The following SCFD2 variants were observed in gnomAD, a reference collection of about 807,000 sequenced individuals.
SCFD2 encodes sec1 family domain-containing protein 2.
Under a neutral mutation model 58.9 loss-of-function variants are expected in SCFD2, and 54 were observed. The observed-to-expected ratio is 0.92, with a 90% CI of 0.74 to 1.15. SCFD2 has a LOEUF of 1.15. Among genes scored for constraint, SCFD2 ranks in the 50% most tolerant of loss-of-function variants. The probability of loss-of-function intolerance (pLI) is 0.00; values close to 1 mark genes in which losing one functional copy is unlikely to be tolerated. For missense variants in SCFD2, 805 were observed against 836.6 expected (o/e 0.96, Z 0.47); for synonymous variants, 321 against 335.9 (o/e 0.96, Z 0.49).
chr4:52,956,206 T>A (rs1471160461), intron 5 of SCFD2: 1 of 456,684 alleles, frequency 2.2e-6, no homozygotes, highest in South Asian at 1.5e-5. Flanking sequence ...GCAGCAGCCA[T>A]CTCCCCTACA....
intron 4 of SCFD2, among the ~76,000 whole-genome samples, chr4:53,229,124 T>C (rs944046313): frequency 7.2e-5 from 11 of 152,060 alleles, no homozygotes; most frequent in Admixed American, 1.3e-4. Flanking sequence ...TAAAAGAGGA[T>C]ACAAACAAAT....
intron 2 of SCFD2, among the ~76,000 whole-genome samples, chr4:53,321,445 T>C (rs1577965385): frequency 6.6e-6 from 1 of 152,128 alleles, no homozygotes; most frequent in East Asian, 1.9e-4. Flanking sequence ...GAGGGTGAAA[T>C]GTGAACGCGT....
chr4:53,189,745 G>A (rs928006507), intron 4 of SCFD2, among the ~76,000 whole-genome samples: 1 of 152,048 alleles, frequency 6.6e-6, no homozygotes, highest in African/African-American at 2.4e-5. Context: ...TACCTAAATT[G>A]CTTTTAGACA....
intron 3 of SCFD2, among the ~76,000 whole-genome samples, chr4:53,300,579 C>G (rs62324293): frequency 0.096 from 14,575 of 152,152 alleles, 1,045 homozygotes; most frequent in African/African-American, 0.19. Context: ...GAATTGAACG[C>G]AGCTCTGCAC....
chr4:53,130,617 C>A (rs1049668690), intron 5 of SCFD2, among the ~76,000 whole-genome samples: 1 of 152,150 alleles, frequency 6.6e-6, no homozygotes, highest in African/African-American at 2.4e-5. Flanking sequence ...TATGGCCACA[C>A]GACTTTGGTT....
At chr4:52,893,081 T>C (rs906790438) in intron 7 of SCFD2, among the ~76,000 whole-genome samples, 1 of 152,214 alleles carries the variant, frequency 6.6e-6, no homozygotes, top group African/African-American at 2.4e-5. Flanking sequence ...CCAGGACTTG[T>C]ACTCATTTAA....
chr4:53,024,614 A>C (rs1722426360), intron 5 of SCFD2, among the ~76,000 whole-genome samples: 1 of 152,116 alleles, frequency 6.6e-6, no homozygotes, highest in Non-Finnish European at 1.5e-5. Flanking sequence ...TTCTGCCAAA[A>C]TTCTAAAAAA....
chr4:53,331,687 C>T (rs1733477163), intron 2 of SCFD2, among the ~76,000 whole-genome samples: 1 of 152,090 alleles, frequency 6.6e-6, no homozygotes, highest in Non-Finnish European at 1.5e-5. Flanking sequence ...ATTAAAAGAA[C>T]TAGAGAAGCA....
At chr4:53,043,242 G>C (rs1238244984) in intron 5 of SCFD2, among the ~76,000 whole-genome samples, 3 of 152,162 alleles carry the variant, frequency 2.0e-5, no homozygotes, top group Non-Finnish European at 4.4e-5. Context: ...TGGGGAATCT[G>C]ATGAAGCCCA....
chr4:52,893,875 A>G (rs1340018807), intron 7 of SCFD2, among the ~76,000 whole-genome samples: 1 of 152,182 alleles, frequency 6.6e-6, no homozygotes, highest in Admixed American at 6.5e-5. Flanking sequence ...CTTAGTCTCA[A>G]TCCTTACTGA....
At chr4:53,130,416 C>A (rs1248908635) in intron 5 of SCFD2, among the ~76,000 whole-genome samples, 2 of 152,136 alleles carry the variant, frequency 1.3e-5, no homozygotes, top group Non-Finnish European at 2.9e-5. Context: ...GAGATATAAA[C>A]CTGGTTCTTT....
At chr4:53,230,601 A>G (rs978174451) in intron 4 of SCFD2, among the ~76,000 whole-genome samples, 3 of 129,928 alleles carry the variant, frequency 2.3e-5, no homozygotes, top group Non-Finnish European at 3.2e-5. Context: ...GAAGGGTAGC[A>G]TCACACACTG....
chr4:53,353,069 G>A (rs1287624898), intron 1 of SCFD2, among the ~76,000 whole-genome samples: 1 of 152,172 alleles, frequency 6.6e-6, no homozygotes, highest in African/African-American at 2.4e-5. Context: ...CTTCAAGAAT[G>A]AAGCCGCAGA....
intron 4 of SCFD2, among the ~76,000 whole-genome samples, chr4:53,215,845 T>C (rs1156659696): frequency 1.3e-5 from 2 of 152,144 alleles, no homozygotes; most frequent in Non-Finnish European, 2.9e-5. Context: ...ATTGAGAGTT[T>C]TTAGCATGAA....
At chr4:53,101,581 C>T (rs1339407116) in intron 5 of SCFD2, among the ~76,000 whole-genome samples, 1 of 152,106 alleles carries the variant, frequency 6.6e-6, no homozygotes, top group Non-Finnish European at 1.5e-5. Context: ...TTAATCAGAA[C>T]TTTAAGAACC....
chr4:52,967,582 GTC>G (rs1720990350), intron 5 of SCFD2, among the ~76,000 whole-genome samples: 2 of 152,204 alleles, frequency 1.3e-5, no homozygotes. Flanking sequence ...GTCCTGTAAT[GTC>G]TCTCAGTTCC....
intron 2 of SCFD2, among the ~76,000 whole-genome samples, chr4:53,339,541 G>A (rs954789995): frequency 1.1e-4 from 17 of 152,024 alleles, no homozygotes; most frequent in Admixed American, 3.9e-4. Flanking sequence ...AGGCCGAGGC[G>A]GGCAGATCAC....
chr4:53,039,553 C>T (rs1722843004), intron 5 of SCFD2, among the ~76,000 whole-genome samples: 1 of 152,134 alleles, frequency 6.6e-6, no homozygotes, highest in African/African-American at 2.4e-5. Flanking sequence ...CAATTCCTGC[C>T]TTTAAGTGCC....
At chr4:53,229,658 C>G (rs1274780809) in intron 4 of SCFD2, among the ~76,000 whole-genome samples, 4 of 152,120 alleles carry the variant, frequency 2.6e-5, no homozygotes, top group Non-Finnish European at 4.4e-5. Context: ...GACCTAAAAC[C>G]AGGAAAACCC....
Sources: allele counts gnomAD v4.1 joint callset (sites outside exome capture counted in the v4.1 genomes callset), GRCh38; gene constraint gnomAD v4.1.1; transcripts MANE v1.5; gene names NCBI Gene and HGNC (gene_info 2026-07-23, HGNC 2026-07-21).